Variants in AMBRA1 observed in about 807,000 individuals in gnomAD.
AMBRA1 encodes activating molecule in BECN1-regulated autophagy protein 1.
A neutral mutation model predicts 125.4 loss-of-function variants in AMBRA1; 47 were observed. The observed-to-expected ratio is 0.37, with a 90% CI of 0.30 to 0.48. The LOEUF is 0.48. Among genes scored for constraint, AMBRA1 ranks in the 20% least tolerant of loss-of-function variants. The probability of loss-of-function intolerance (pLI) is 0.99; values close to 1 mark genes in which losing one functional copy is unlikely to be tolerated. For synonymous variants in AMBRA1, 626 were observed against 655.5 expected (o/e 0.95, Z 0.69); for missense variants, 1,331 against 1,693.4 (o/e 0.79, Z 3.76).
chr11:46,527,476 T>C (rs1952024489), intron 7 of AMBRA1, among the ~76,000 whole-genome samples: 1 of 10,028 alleles, frequency 1.0e-4, no homozygotes, highest in African/African-American at 2.9e-4. Context: ...TGAGACTGTC[T>C]CAAAAAAAAA....
At chr11:46,403,504 A>G (rs566282260) in intron 17 of AMBRA1, among the ~76,000 whole-genome samples, 2 of 152,314 alleles carry the variant, frequency 1.3e-5, no homozygotes, top group Admixed American at 1.3e-4. Context: ...AAACTCATTA[A>G]TTCCATGCTT....
intron 1 of AMBRA1, among the ~76,000 whole-genome samples, chr11:46,584,839 AGATGGGTG>A (rs2044309666): frequency 6.6e-6 from 1 of 152,200 alleles, no homozygotes. Flanking sequence ...TGGGAGGCTG[AGATGGGTG>A]GATCACCTGA....
intron 1 of AMBRA1, among the ~76,000 whole-genome samples, chr11:46,583,649 T>A (rs1370400556): frequency 1.6e-4 from 5 of 30,886 alleles, no homozygotes; most frequent in Non-Finnish European, 2.0e-4. Flanking sequence ...TCAAACAAAT[T>A]TCCAAAAAAA....
chr11:46,470,317 G>A (rs1477844655), intron 11 of AMBRA1, among the ~76,000 whole-genome samples: 1 of 152,088 alleles, frequency 6.6e-6, no homozygotes, highest in Non-Finnish European at 1.5e-5. Flanking sequence ...GGCCGGGCGC[G>A]GTGGCTCACG....
chr11:46,485,668 C>T (rs1950242929), intron 11 of AMBRA1, among the ~76,000 whole-genome samples: 1 of 152,136 alleles, frequency 6.6e-6, no homozygotes, highest in Non-Finnish European at 1.5e-5. Flanking sequence ...GGTGACAATA[C>T]AGAAAGGGCA....
At chr11:46,579,405 C>T (rs1390939922) in intron 1 of AMBRA1, among the ~76,000 whole-genome samples, 2 of 151,830 alleles carry the variant, frequency 1.3e-5, no homozygotes, top group Non-Finnish European at 2.9e-5. Flanking sequence ...TGTGGTGAGC[C>T]GAGATCACGC....
At chr11:46,528,479 A>G (rs1952076741) in intron 7 of AMBRA1, among the ~76,000 whole-genome samples, 1 of 152,162 alleles carries the variant, frequency 6.6e-6, no homozygotes, top group African/African-American at 2.4e-5. Context: ...CCACTGTGAC[A>G]TATTAATAGA....
At chr11:46,465,022 G>A (rs1195339991) in intron 11 of AMBRA1, among the ~76,000 whole-genome samples, 2 of 151,866 alleles carry the variant, frequency 1.3e-5, no homozygotes, top group South Asian at 4.2e-4. Context: ...CCAGCCTGGC[G>A]ACACAGTGAG....
At chr11:46,422,495 T>C (rs968894502) in intron 14 of AMBRA1, among the ~76,000 whole-genome samples, 5 of 152,016 alleles carry the variant, frequency 3.3e-5, no homozygotes, top group Admixed American at 2.0e-4. Context: ...CAAACTCTAA[T>C]AGGAAGTGAG....
intron 11 of AMBRA1, among the ~76,000 whole-genome samples, chr11:46,444,266 T>A (rs183272185): frequency 6.6e-5 from 10 of 152,358 alleles, no homozygotes; most frequent in Admixed American, 6.5e-4. Flanking sequence ...TCTTTTATAA[T>A]ACCTACCCCC....
chr11:46,439,565 A>G (rs1045517540), intron 12 of AMBRA1, among the ~76,000 whole-genome samples: 2 of 152,170 alleles, frequency 1.3e-5, no homozygotes, highest in African/African-American at 4.8e-5. Context: ...CTATTAAAAA[A>G]CTAAAATATA....
At chr11:46,574,824 T>C (rs2043896996) in intron 1 of AMBRA1, among the ~76,000 whole-genome samples, 1 of 152,184 alleles carries the variant, frequency 6.6e-6, no homozygotes, top group Non-Finnish European at 1.5e-5. Context: ...TGTATAACCT[T>C]TGACAAAAAA....
chr11:46,557,933 C>T (rs988387811), intron 1 of AMBRA1, among the ~76,000 whole-genome samples: 1 of 152,134 alleles, frequency 6.6e-6, no homozygotes, highest in Non-Finnish European at 1.5e-5. Flanking sequence ...GCTTGTGCCA[C>T]TACACTCCAG....
intron 17 of AMBRA1, among the ~76,000 whole-genome samples, chr11:46,402,007 GCA>G (rs1945787914): frequency 6.6e-6 from 1 of 152,172 alleles, no homozygotes; most frequent in South Asian, 2.1e-4. Context: ...CTCCCTGCCT[GCA>G]CAGATGGGCA....
At chr11:46,578,412 G>C (rs2044040167) in intron 1 of AMBRA1, among the ~76,000 whole-genome samples, 1 of 151,574 alleles carries the variant, frequency 6.6e-6, no homozygotes, top group Non-Finnish European at 1.5e-5. Context: ...GCTTGAACCT[G>C]GGAGGCAGAA....
At chr11:46,480,561 A>G (rs1347437199) in intron 11 of AMBRA1, among the ~76,000 whole-genome samples, 1 of 152,196 alleles carries the variant, frequency 6.6e-6, no homozygotes, top group African/African-American at 2.4e-5. Context: ...CTCTAGATCA[A>G]CATGTGTACC....
chr11:46,434,748 T>C (rs1035337352), intron 13 of AMBRA1, 101 bp downstream of exon 13: 5 of 1,257,686 alleles, frequency 4.0e-6, no homozygotes, highest in Admixed American at 5.9e-5. Flanking sequence ...GTAGGGGCAG[T>C]ATGTGACCAT....
intron 12 of AMBRA1, among the ~76,000 whole-genome samples, chr11:46,441,407 G>A (rs181629258): frequency 2.0e-5 from 3 of 152,030 alleles, no homozygotes; most frequent in Admixed American, 1.3e-4. Context: ...CCAGCTACTC[G>A]GGAGGCTGAG....
intron 17 of AMBRA1, among the ~76,000 whole-genome samples, chr11:46,400,473 G>GGTT (rs1945689550): frequency 2.0e-5 from 1 of 48,874 alleles, no homozygotes; most frequent in Non-Finnish European, 4.2e-5. Flanking sequence ...TCTTTCTATA[G>GGTT]TTTTTTTTTT....
Sources: gnomAD v4.1 joint callset for allele counts (sites outside exome capture counted in the v4.1 genomes callset) on GRCh38, gnomAD v4.1.1 for gene constraint, MANE v1.5 for transcripts, NCBI Gene and HGNC (gene_info 2026-07-23, HGNC 2026-07-21) for gene names.